The following RIMS4 variants were observed in gnomAD, a reference collection of about 807,000 sequenced individuals.
The protein encoded by RIMS4 is regulating synaptic membrane exocytosis protein 4.
A neutral mutation model predicts 29.0 loss-of-function variants in RIMS4; 9 were observed. That is an observed-to-expected ratio of 0.31 (90% CI 0.19 to 0.54). The LOEUF is 0.54. RIMS4 is among the 20% of genes least tolerant of loss of function. The pLI is 0.94. For synonymous variants in RIMS4, 130 were observed against 152.9 expected (o/e 0.85, Z 1.10); for missense variants, 193 against 365.7 (o/e 0.53, Z 3.85).
intron 1 of RIMS4, among the ~76,000 whole-genome samples, chr20:44,799,473 G>A (rs2066268740): frequency 6.6e-6 from 1 of 152,162 alleles, no homozygotes; most frequent in Non-Finnish European, 1.5e-5. Context: ...GCCAGGGCTT[G>A]GATGGGCCCC....
At chr20:44,796,565 T>C (rs2066256071) in intron 1 of RIMS4, among the ~76,000 whole-genome samples, 1 of 151,894 alleles carries the variant, frequency 6.6e-6, no homozygotes. Context: ...AGTGAAAAAG[T>C]GAAAAGCCAG....
chr20:44,789,704 C>T (rs866321748), intron 1 of RIMS4, among the ~76,000 whole-genome samples: 19 of 152,170 alleles, frequency 1.2e-4, no homozygotes, highest in Admixed American at 2.6e-4. Context: ...TATAAGCACA[C>T]GCCACCACAT....
chr20:44,776,015 A>G (rs1203893908), intron 1 of RIMS4, among the ~76,000 whole-genome samples: 3 of 151,366 alleles, frequency 2.0e-5, no homozygotes, highest in Admixed American at 2.0e-4. Context: ...GTGGTGGCTC[A>G]TGCCCGTAAT....
At chr20:44,779,851 C>A (rs550553707) in intron 1 of RIMS4, among the ~76,000 whole-genome samples, 1 of 151,996 alleles carries the variant, frequency 6.6e-6, no homozygotes, top group African/African-American at 2.4e-5. Context: ...AAGGTTAACA[C>A]GTTAGACTAT....
chr20:44,753,532 G>GC lies in RIMS4; in HGVS notation c.*2601dup. 1 of 152,506 alleles carries GC rather than the reference G, an allele frequency of 6.6e-6. No homozygotes were observed. The allele number at this position is 152,506 out of a possible 1,614,324, so 9.4% of individuals were successfully genotyped here. ...AAACAGTCATCCCCTGGAGACCCCAGCCCCCCAGTGGCCCCTAGTGCCAGC... is the reference window on the plus strand; with the variant it reads ...AAACAGTCATCCCCTGGAGACCCCAGCCCCCCCAGTGGCCCCTAGTGCCAGC... On this transcript the variant is annotated 3_prime_UTR_variant, in exon 6 of 6. Transcript: ENST00000372851.
chr20:44,780,194 T>C (rs1387617608), intron 1 of RIMS4, among the ~76,000 whole-genome samples: 1 of 152,174 alleles, frequency 6.6e-6, no homozygotes, highest in East Asian at 1.9e-4. Context: ...TTTCAACATC[T>C]CCAAAATTAA....
At chr20:44,797,184 G>C (rs558324191) in intron 1 of RIMS4, among the ~76,000 whole-genome samples, 1 of 152,342 alleles carries the variant, frequency 6.6e-6, no homozygotes, top group East Asian at 1.9e-4. Context: ...CCAGGAGTCT[G>C]CAAACTATGG....
intron 2 of RIMS4, among the ~76,000 whole-genome samples, chr20:44,765,534 C>T (rs1477340226): frequency 6.6e-6 from 1 of 152,076 alleles, no homozygotes; most frequent in African/African-American, 2.4e-5. Flanking sequence ...AAAACAAATC[C>T]CTGTCTCCTA....
chr20:44,791,409 T>C (rs1051028018), intron 1 of RIMS4, among the ~76,000 whole-genome samples: 5 of 152,216 alleles, frequency 3.3e-5, no homozygotes, highest in Non-Finnish European at 5.9e-5. Context: ...TTACCTAATT[T>C]CTTCATCTGT....
intron 4 of RIMS4, 41 bp from the exon 5 acceptor site, chr20:44,757,078 C>T (rs747964214): frequency 1.9e-6 from 3 of 1,600,100 alleles, no homozygotes; most frequent in East Asian, 2.2e-5. Context: ...TAGTTTGGCC[C>T]TCAAATGGTG....
intron 1 of RIMS4, among the ~76,000 whole-genome samples, chr20:44,801,655 G>C (rs1383328464): frequency 6.6e-6 from 1 of 152,092 alleles, no homozygotes; most frequent in African/African-American, 2.4e-5. Flanking sequence ...CCCATGCAAT[G>C]GTCTCATGGC....
intron 2 of RIMS4, among the ~76,000 whole-genome samples, chr20:44,769,771 G>A (rs1801713538): frequency 6.6e-6 from 1 of 152,224 alleles, no homozygotes; most frequent in African/African-American, 2.4e-5. Context: ...GAGGGGCTGG[G>A]GGTGGGGAAG....
At chr20:44,798,540 G>A (rs962762065) in intron 1 of RIMS4, among the ~76,000 whole-genome samples, 1 of 152,198 alleles carries the variant, frequency 6.6e-6, no homozygotes, top group African/African-American at 2.4e-5. Context: ...GGACCCCACT[G>A]GTATCCTGGC....
chr20:44,771,163 C>T (rs1304244542), intron 2 of RIMS4, 112 bp downstream of exon 2: 17 of 1,272,812 alleles, frequency 1.3e-5, no homozygotes, highest in South Asian at 5.3e-5. Flanking sequence ...CCTGAGCTGG[C>T]GCTTTCACAG....
chr20:44,800,573 AG>A (rs1299670412), intron 1 of RIMS4, among the ~76,000 whole-genome samples: 1 of 151,946 alleles, frequency 6.6e-6, no homozygotes, highest in Non-Finnish European at 1.5e-5. Flanking sequence ...GATCAGCTAG[AG>A]AGAAACTGGC....
At chr20:44,810,129 G>T in intron 1 of RIMS4, 46 bp downstream of exon 1, 1 of 1,281,730 alleles carries the variant, frequency 7.8e-7, no homozygotes, top group Non-Finnish European at 1.1e-6. Context: ...ACCGGACCTG[G>T]ATCCCGGGAC....
chr20:44,776,944 A>G (rs2066162755), intron 1 of RIMS4, among the ~76,000 whole-genome samples: 1 of 152,214 alleles, frequency 6.6e-6, no homozygotes, highest in African/African-American at 2.4e-5. Context: ...AACCCAGGCT[A>G]TTCTGGCTCC....
chr20:44,807,278 C>T (rs1375908352), intron 1 of RIMS4, among the ~76,000 whole-genome samples: 1 of 152,218 alleles, frequency 6.6e-6, no homozygotes, highest in Non-Finnish European at 1.5e-5. Flanking sequence ...GAAGAAGGCT[C>T]AGCTTCCTGT....
intron 1 of RIMS4, among the ~76,000 whole-genome samples, chr20:44,776,754 T>C (rs1324205936): frequency 6.6e-6 from 1 of 152,190 alleles, no homozygotes; most frequent in African/African-American, 2.4e-5. Flanking sequence ...ATTAATATGG[T>C]TATTACCATT....
Sources: allele counts gnomAD v4.1 joint callset (sites outside exome capture counted in the v4.1 genomes callset), GRCh38; gene constraint gnomAD v4.1.1; transcripts MANE v1.5; gene names NCBI Gene and HGNC (gene_info 2026-07-23, HGNC 2026-07-21).